Variants in EML4 observed in about 807,000 individuals in gnomAD.
EML4 encodes the protein EMAP like 4, also known as echinoderm microtubule-associated protein-like 4.
In EML4, 72 loss-of-function variants were observed where a neutral mutation model predicts 129.0. The observed-to-expected ratio is 0.56, with a 90% confidence interval of 0.46 to 0.68. The LOEUF (loss-of-function observed/expected upper bound fraction) is 0.68. EML4 is among the 30% of genes least tolerant of loss of function. EML4 has a pLI of 0.00. For synonymous variants in EML4, 532 were observed against 405.0 expected (o/e 1.31, Z -3.77); for missense variants, 1,363 against 1,190.6 (o/e 1.14, Z -2.13).
At chr2:42,293,033 T>A (rs993043474) in intron 11 of EML4, among the ~76,000 whole-genome samples, 1 of 152,224 alleles carries the variant, frequency 6.6e-6, no homozygotes, top group African/African-American at 2.4e-5. Flanking sequence ...TTGCTAAATA[T>A]GTATATAGTT....
At chr2:42,268,544 C>T (rs1445375377) in intron 6 of EML4, among the ~76,000 whole-genome samples, 1 of 152,104 alleles carries the variant, frequency 6.6e-6, no homozygotes, top group Non-Finnish European at 1.5e-5. Context: ...TTGAGTGACC[C>T]TCCTGCCTCA....
Position 42,273,340 on chromosome 2 carries a change from C to G in EML4, c.668-7510C>G, listed in dbSNP as rs569321211. On this transcript the variant is annotated intron_variant, in intron 6 of 22. Transcript: ENST00000318522. Reference sequence around the variant, plus strand: ...CCATCTTTTCCCAATAAAGTCATTTCAAGCAGTAAAAATAATCTAAAATGC... The same window carrying G: ...CCATCTTTTCCCAATAAAGTCATTTGAAGCAGTAAAAATAATCTAAAATGC... Among the ~76,000 whole-genome samples the G allele has an allele frequency of 4.6e-5, 7 of 152,204 alleles. No homozygotes were observed. In the South Asian group the frequency reaches 1.5e-3, roughly 32 times the overall value.
intron 19 of EML4, among the ~76,000 whole-genome samples, chr2:42,321,512 A>G (rs1057049127): frequency 6.6e-6 from 1 of 152,114 alleles, no homozygotes; most frequent in Non-Finnish European, 1.5e-5. Flanking sequence ...TCCATCCTCA[A>G]CATCATAACA....
chr2:42,220,257 T>A (rs1173282879), intron 1 of EML4, among the ~76,000 whole-genome samples: 3 of 130,820 alleles, frequency 2.3e-5, no homozygotes, highest in East Asian at 2.3e-4. Context: ...TTTTTTTTTT[T>A]ACAAATTGAA....
chr2:42,212,995 A>G (rs1030334303), intron 1 of EML4, among the ~76,000 whole-genome samples: 2 of 152,208 alleles, frequency 1.3e-5, no homozygotes, highest in African/African-American at 4.8e-5. Flanking sequence ...TTCCAAAATT[A>G]TATCATTTGT....
In EML4 at chr2:42,330,101, G is replaced by A. The variant is rs1156577803; in HGVS notation, c.2840G>A (p.Gly947Glu). 3.7e-6 allele frequency: 6 copies of A among 1,612,636 alleles called. No individual in the cohort carries two copies. The Admixed American group carries it at 5.0e-5, about 13-fold the overall frequency. Residue 947 changes from glycine to glutamate, a missense_variant, in exon 23 of 23, where the codon GGA (glycine) becomes GAA (glutamate). Physicochemically the swap from Gly to Glu is moderately conservative, Grantham distance 98. Transcript: ENST00000318522. Reference protein sequence around the residue: ...HSEEESEEGSGDLGEPLYEEP... With the variant: ...HSEEESEEGSEDLGEPLYEEP... ...GAGGAGGAGAGTGAAGAGGGCAGCG[G>A]AGACCTTGGTGAGCCTCTTTATGAA...
At chr2:42,275,159 AG>A (rs1288053371) in intron 6 of EML4, among the ~76,000 whole-genome samples, 1 of 152,228 alleles carries the variant, frequency 6.6e-6, no homozygotes, top group Non-Finnish European at 1.5e-5. Context: ...AGTAATATTA[AG>A]TTTTAATAGC....
chr2:42,205,754 T>G (rs1442402416), intron 1 of EML4, among the ~76,000 whole-genome samples: 1 of 152,250 alleles, frequency 6.6e-6, no homozygotes. Flanking sequence ...TAGCTTATGG[T>G]ATGAAATCCT....
intron 1 of EML4, among the ~76,000 whole-genome samples, chr2:42,203,992 T>A (rs1558499426): frequency 6.6e-6 from 1 of 152,122 alleles, no homozygotes; most frequent in Non-Finnish European, 1.5e-5. Context: ...ACAATCATAG[T>A]GCACTGCACC....
At chr2:42,317,812 A>C (rs1669324861) in intron 19 of EML4, among the ~76,000 whole-genome samples, 1 of 152,194 alleles carries the variant, frequency 6.6e-6, no homozygotes, top group Non-Finnish European at 1.5e-5. Flanking sequence ...CACTTTTTGA[A>C]AATTGAATGA....
intron 6 of EML4, chr2:42,264,937 A>G: frequency 6.5e-7 from 1 of 1,550,176 alleles, no homozygotes; most frequent in Non-Finnish European, 8.7e-7. Context: ...TCAACTCGCG[A>G]AAAAAACAGC....
At position 42,169,475 on chromosome 2, in the gene EML4, C is replaced by G; in HGVS notation, c.-137C>G. ...TACTACCCCAGGGCGAACGGACGGA[C>G]GACGGAGGCGGGAGCCGGTAGCCGA... On this transcript the variant is annotated 5_prime_UTR_variant, in exon 1 of 23. Transcript: ENST00000318522. 5 of 1,016,072 alleles carry G rather than the reference C, an allele frequency of 4.9e-6. No individual in the cohort carries two copies. Among genetic ancestry groups the G allele is most frequent in the Non-Finnish European group, 7.0e-6 (5 of 717,708 alleles). 62.9% of individuals were successfully genotyped at this position (1,016,072 alleles called of 1,614,324 possible).
At chr2:42,328,212 G>A (rs1210165359) in intron 21 of EML4, among the ~76,000 whole-genome samples, 3 of 152,158 alleles carry the variant, frequency 2.0e-5, no homozygotes, top group Non-Finnish European at 2.9e-5. Context: ...TCAACCACAA[G>A]TGGCCAACAT....
intron 1 of EML4, among the ~76,000 whole-genome samples, chr2:42,183,385 G>T (rs1241229671): frequency 6.6e-6 from 1 of 152,162 alleles, no homozygotes; most frequent in East Asian, 1.9e-4. Flanking sequence ...TGTGTACATT[G>T]TCGGTTTTAA....
At position 42,316,048 on chromosome 2, in the gene EML4, T is replaced by C. The variant is rs751462039; in HGVS notation, c.2054T>C (p.Ile685Thr). The C allele has an allele frequency of 2.5e-6, 4 of 1,610,586 alleles. No individual in the cohort carries two copies. Among genetic ancestry groups the C allele is most frequent in the Non-Finnish European group, 2.5e-6 (3 of 1,177,200 alleles). Reference sequence around the variant, plus strand: ...CAGCTCTCTGTGATGCGCTACTCAATAGGTAGGCAAATTTACTCCCACCTC... The same window carrying C: ...CAGCTCTCTGTGATGCGCTACTCAACAGGTAGGCAAATTTACTCCCACCTC... ...NEQLSVMRYS[I>T]DGTFLAVGSH... Residue 685 changes from isoleucine (I) to threonine (T), a missense_variant and splice_region_variant, in exon 18 of 23, where the codon ATA (isoleucine) becomes ACA (threonine). Coordinates refer to ENST00000318522, the MANE Select transcript of EML4 (RefSeq NM_019063.5).
intron 6 of EML4, among the ~76,000 whole-genome samples, chr2:42,280,490 A>T (rs577869165): frequency 2.6e-5 from 4 of 152,238 alleles, no homozygotes; most frequent in Non-Finnish European, 5.9e-5. Context: ...TGTTATACTG[A>T]ATATATGCAG....
chr2:42,187,291 G>GCCT, intron 1 of EML4, among the ~76,000 whole-genome samples: 1 of 152,022 alleles, frequency 6.6e-6, no homozygotes, highest in East Asian at 1.9e-4. Context: ...CAAGTGATCT[G>GCCT]CCTGCTTCAG....
chr2:42,232,851 A>C (rs1389323162), intron 1 of EML4, among the ~76,000 whole-genome samples: 2 of 151,770 alleles, frequency 1.3e-5, no homozygotes, highest in African/African-American at 2.4e-5. Context: ...CAGCCTCCCT[A>C]GTAGCTGGGA....
intron 6 of EML4, among the ~76,000 whole-genome samples, chr2:42,276,693 A>G (rs1243184832): frequency 1.3e-5 from 2 of 152,206 alleles, no homozygotes; most frequent in African/African-American, 2.4e-5. Flanking sequence ...TATAATTCCA[A>G]ACAGTAGGTA....
Sources: allele counts gnomAD v4.1 joint callset (sites outside exome capture counted in the v4.1 genomes callset), GRCh38; gene constraint gnomAD v4.1.1; transcripts MANE v1.5; gene names NCBI Gene and HGNC (gene_info 2026-07-23, HGNC 2026-07-21).